SCN1A: variants seen among roughly 807,000 people sequenced by gnomAD.
SCN1A encodes sodium channel protein type 1 subunit alpha.
Under a neutral mutation model 193.7 loss-of-function variants are expected in SCN1A, and 13 were observed. The observed-to-expected ratio is 0.07, with a 90% CI of 0.04 to 0.11. The LOEUF (loss-of-function observed/expected upper bound fraction) is 0.11, where lower values mean the gene tolerates loss of function less well. SCN1A is among the 10% of genes least tolerant of loss of function. SCN1A has a pLI of 1.00. For missense variants in SCN1A, 1,432 were observed against 2,451.1 expected (o/e 0.58, Z 8.78); for synonymous variants, 781 against 843.6 (o/e 0.93, Z 1.29).
chr2:166,058,763 T>G (rs1699378504), intron 4 of SCN1A, 75 bp from the exon 5 acceptor site: 1 of 851,384 alleles, frequency 1.2e-6, no homozygotes, highest in Non-Finnish European at 2.0e-6. Context: ...TTCTGTTACT[T>G]GTCATAATAA....
chr2:166,045,300 G>T lies in SCN1A; in HGVS notation c.1405C>A (p.His469Asn). 1 of 1,614,174 alleles carries T rather than the reference G, an allele frequency of 6.2e-7. No homozygotes were observed. The change falls in exon 13 of 29, where the codon CAT (histidine) becomes AAT (asparagine). Residue 469 changes from histidine to asparagine, a missense_variant. By Grantham distance (68) the His-to-Asn change is moderately conservative (BLOSUM62 1). This residue lies in a region of SCN1A where 58 missense variants were observed against 103.4 expected (regional missense o/e 0.56). Transcript: ENST00000674923. ...CCTGCTGCACTGGGCTCTCTGGAAT[G>T]TTCTGAGGCAGTTGCCGTTGCTGCC... ...QQAATATASE[H>N]SREPSAAGRL...
intron 2 of SCN1A, among the ~76,000 whole-genome samples, chr2:166,096,053 C>A (rs1033678432): frequency 1.3e-5 from 2 of 152,138 alleles, no homozygotes; most frequent in Non-Finnish European, 2.9e-5. Flanking sequence ...GTTTTGGATT[C>A]ATGTTAAATA....
intron 18 of SCN1A, among the ~76,000 whole-genome samples, chr2:166,037,007 T>C (rs1268410035): frequency 6.6e-6 from 1 of 152,230 alleles, no homozygotes; most frequent in African/African-American, 2.4e-5. Context: ...ACACTTGTTT[T>C]CTTAATCTAT....
intron 2 of SCN1A, among the ~76,000 whole-genome samples, chr2:166,080,283 AG>A (rs1461695569): frequency 6.6e-6 from 1 of 151,814 alleles, no homozygotes; most frequent in Non-Finnish European, 1.5e-5. Context: ...CATAAAAACC[AG>A]CATTTAAATA....
At chr2:165,995,002 G>A (rs2105454128) in intron 27 of SCN1A, among the ~76,000 whole-genome samples, 1 of 151,866 alleles carries the variant, frequency 6.6e-6, no homozygotes, top group Non-Finnish European at 1.5e-5. Flanking sequence ...ACTGCACAAG[G>A]ATAATGAGAC....
chr2:165,988,285 T>C lies in SCN1A; in HGVS notation c.*2960A>G, dbSNP rs1688732977. 2 of 152,114 alleles carry C rather than the reference T, an allele frequency of 1.3e-5. No homozygotes were observed. The highest frequency in any genetic ancestry group is 1.3e-4 in the Admixed American group (2 of 15,268). The allele number at this position is 152,114 out of a possible 1,614,324, so 9.4% of individuals were successfully genotyped here. A position where few individuals can be genotyped will look rare whatever the true frequency, so the allele number is the denominator to read the frequency against. ...AGCTGAAGCAAGGCACATCTTTGCT[T>C]CCTGCTGACTTTCATGAGCTGTTGA... On this transcript the variant is annotated 3_prime_UTR_variant, in exon 29 of 29. Coordinates refer to ENST00000674923, the MANE Select transcript of SCN1A (RefSeq NM_001165963.4).
At chr2:166,122,424 G>A (rs368840004) in intron 2 of SCN1A, among the ~76,000 whole-genome samples, 1 of 152,148 alleles carries the variant, frequency 6.6e-6, no homozygotes, top group South Asian at 2.1e-4. Context: ...ATTTTGTTGT[G>A]AAGTTAGATC....
intron 24 of SCN1A, among the ~76,000 whole-genome samples, chr2:166,000,463 A>C (rs948394095): frequency 2.6e-5 from 4 of 151,736 alleles, no homozygotes; most frequent in African/African-American, 9.7e-5. Context: ...AAGGATACTC[A>C]GGCTAACAAC....
At chr2:166,118,515 A>G (rs1484408580) in intron 2 of SCN1A, among the ~76,000 whole-genome samples, 1 of 151,646 alleles carries the variant, frequency 6.6e-6, no homozygotes, top group Non-Finnish European at 1.5e-5. Context: ...AATCACCTGA[A>G]ACCTGAAATG....
rs1699149959 is a variant in SCN1A, at chr2:166,056,467, C to G, written c.417G>C (p.Leu139Phe). ...LFSMLIMCTI[L>F]TNCVFMTMSN... is the part of the protein sequence containing the mutation. ...TCATTGTCATAAACACACAGTTTGT[C>G]AAAATAGTGCACATAATTAGCATGC... The change falls in exon 6 of 29, where the codon TTG (leucine) becomes TTC (phenylalanine). Residue 139 changes from leucine (L) to phenylalanine (F), a missense_variant. Physicochemically the swap from Leu to Phe is conservative, Grantham distance 22 (BLOSUM62 0). Coordinates refer to ENST00000674923, the MANE Select transcript of SCN1A (RefSeq NM_001165963.4). 1.2e-6 allele frequency: 2 copies of G among 1,606,952 alleles called. No homozygotes were observed. The highest frequency in any genetic ancestry group is 1.7e-6 in the Non-Finnish European group (2 of 1,173,758).
intron 2 of SCN1A, among the ~76,000 whole-genome samples, chr2:166,118,837 T>C (rs1018817939): frequency 1.3e-5 from 2 of 152,178 alleles, no homozygotes; most frequent in Non-Finnish European, 2.9e-5. Flanking sequence ...TTCTCATCTT[T>C]ATTGGATTTT....
At chr2:166,071,615 G>A (rs972509105) in intron 4 of SCN1A, 1 of 151,890 alleles carries the variant, frequency 6.6e-6, no homozygotes, top group Non-Finnish European at 1.5e-5. Flanking sequence ...TACTGGCCGG[G>A]CGCAGTGGCT....
intron 2 of SCN1A, among the ~76,000 whole-genome samples, chr2:166,083,799 A>C (rs1685786365): frequency 6.6e-6 from 1 of 152,204 alleles, no homozygotes; most frequent in Non-Finnish European, 1.5e-5. Flanking sequence ...CCTTTGAACA[A>C]ATGTCATTAG....
rs977339907 is a variant in SCN1A at position 166,103,157 on chromosome 2, A to G, written c.-142+23767T>C. Among the ~76,000 whole-genome samples, 17 of 152,002 alleles carry G rather than the reference A, an allele frequency of 1.1e-4. 1 individual carries two copies. The East Asian group carries it at 3.3e-3, about 29-fold the overall frequency. On this transcript the variant is annotated intron_variant, in intron 2 of 28. Coordinates refer to ENST00000674923, the MANE Select transcript of SCN1A (RefSeq NM_001165963.4). ...CAGTTGAATAGCAATATATTATAATATTGAGGAAGTAGGCTGGGCGCGGTG... is the reference window on the plus strand; with the variant it reads ...CAGTTGAATAGCAATATATTATAATGTTGAGGAAGTAGGCTGGGCGCGGTG...
chr2:166,108,681 T>G (rs1375357949), intron 2 of SCN1A, among the ~76,000 whole-genome samples: 1 of 152,090 alleles, frequency 6.6e-6, no homozygotes, highest in Non-Finnish European at 1.5e-5. Context: ...TCAAAGATAT[T>G]ATGTTAAGTG....
At position 165,992,547 on chromosome 2, in the gene SCN1A, T is replaced by C; in HGVS notation, c.4853-125A>G. The stretch of plus-strand genomic sequence containing the variant: ...ACCCAGTTATATTAAATATGACAAC[T>C]ATATATAATATATATATAATTGTAC... On this transcript the variant is annotated intron_variant, in intron 28 of 28. Transcript: ENST00000674923. This position sits in a 1 kb window ranked among gnomAD's most constrained non-coding sequence, Gnocchi z 6.5. 3.3e-6 allele frequency: 2 copies of C among 610,746 alleles called. No homozygotes were observed. The highest frequency in any genetic ancestry group is 3.3e-5 in the East Asian group (1 of 30,538). The allele number at this position is 610,746 out of a possible 1,614,324, so 37.8% of individuals were successfully genotyped here.
intron 1 of SCN1A, among the ~76,000 whole-genome samples, chr2:166,148,384 G>A (rs1422612152): frequency 1.3e-5 from 2 of 152,228 alleles, no homozygotes; most frequent in South Asian, 4.1e-4. Flanking sequence ...CAGAATCAGC[G>A]CTATATTGTT....
chr2:166,065,627 A>AT lies in SCN1A; in HGVS notation c.265-6940dup, dbSNP rs554922216. On this transcript the variant is annotated intron_variant, in intron 4 of 28. Transcript: ENST00000674923. Reference sequence around the variant, plus strand: ...TTTTTTCATCTCCTAGTCTCATTCAATTTTTTCCTTCCAACCAGTGATAAC... The same window carrying AT: ...TTTTTTCATCTCCTAGTCTCATTCAATTTTTTTCCTTCCAACCAGTGATAAC... 2.2e-3 allele frequency among the ~76,000 whole-genome samples: 330 copies of AT among 152,046 alleles called. 1 individual carries two copies. Among genetic ancestry groups the AT allele is most frequent in the African/African-American group, 7.7e-3 (319 of 41,476 alleles).
rs904247739 is a variant in SCN1A at position 166,047,757 on chromosome 2, T to C, written c.1040A>G (p.Glu347Gly). The change falls in exon 11 of 29, where the codon GAG (glutamate) becomes GGG (glycine). Residue 347 changes from glutamate (E) to glycine (G), a missense_variant. Physicochemically the swap from Glu to Gly is moderately conservative, Grantham distance 98. Around this residue, in one of 18 missense-constraint regions of SCN1A, gnomAD observed 11 missense variants for 70.9 expected, o/e 0.16. Transcript: ENST00000674923. ...ACCAGCTTTCACACACATATATCCC[T>C]CTGGACATTGGCTGCAAGTGGGGTA... ...GNSSDAGQCP[E>G]GYMCVKAGRN... The C allele has an allele frequency of 6.2e-7, 1 of 1,613,378 alleles. No homozygotes were observed. The highest frequency in any genetic ancestry group is 1.3e-5 in the African/African-American group (1 of 74,882).
Sources: gnomAD v4.1 joint callset for allele counts (sites outside exome capture counted in the v4.1 genomes callset) on GRCh38, gnomAD v4.1.1 for gene constraint, gnomAD v4.1.1 regional missense constraint, Gnocchi (gnomAD v3.1) non-coding constraint, MANE v1.5 for transcripts, NCBI Gene and HGNC (gene_info 2026-07-23, HGNC 2026-07-21) for gene names.